Variants in C3 observed in about 807,000 individuals in gnomAD.
C3 encodes C3 and PZP-like alpha-2-macroglobulin domain-containing protein 1.
Under a neutral mutation model 207.9 loss-of-function variants are expected in C3, and 97 were observed. That is an observed-to-expected ratio of 0.47 (90% CI 0.40 to 0.55). The LOEUF is 0.55. Among genes scored for constraint, C3 ranks in the 20% least tolerant of loss-of-function variants. The pLI, the probability that C3 is intolerant of heterozygous loss-of-function variation, is 0.00. For missense variants in C3, 1,684 were observed against 2,171.7 expected, an observed-to-expected ratio of 0.78 and a Z score of 4.46; for synonymous variants, 848 against 857.6, an observed-to-expected ratio of 0.99 and a Z score of 0.20.
At chr19:6,695,016 A>G (rs1014568162) in intron 23 of C3, among the ~76,000 whole-genome samples, 3 of 152,128 alleles carry the variant, frequency 2.0e-5, no homozygotes, top group African/African-American at 7.2e-5. Flanking sequence ...GAAGCCTGTA[A>G]TCTCAGCACT....
At chr19:6,707,605 A>G (rs1967808410) in intron 15 of C3, 68 bp from the exon 16 acceptor site, 1 of 1,575,870 alleles carries the variant, frequency 6.3e-7, no homozygotes, top group African/African-American at 1.3e-5. Context: ...TTCACCCCTC[A>G]CGATCGTGTG....
intron 3 of C3, 31 bp downstream of exon 3, chr19:6,718,216 C>T (rs772640049): frequency 1.9e-6 from 3 of 1,613,960 alleles, no homozygotes; most frequent in Non-Finnish European, 2.5e-6. Flanking sequence ...CACGCCGGTG[C>T]CCCGCCCTCT....
chr19:6,691,055 C>CTTTTT (rs112828808), intron 26 of C3, among the ~76,000 whole-genome samples: 11,404 of 131,318 alleles, frequency 0.087, 593 homozygotes, highest in Non-Finnish European at 0.11. Flanking sequence ...GAGATATACA[C>CTTTTT]TTTTTTTTTT....
chr19:6,714,105 G>A (rs1967981652), intron 6 of C3, 23 bp from the exon 7 acceptor site: 1 of 1,610,830 alleles, frequency 6.2e-7, no homozygotes, highest in South Asian at 1.1e-5. Context: ...TGGCGTTGGT[G>A]GGGCCGGCGC....
intron 9 of C3, 83 bp downstream of exon 9, chr19:6,713,106 T>G (rs1415962749): frequency 6.5e-7 from 1 of 1,535,956 alleles, no homozygotes; most frequent in African/African-American, 1.4e-5. Flanking sequence ...CTCCTTAGAC[T>G]AGGCTTTCTC....
chr19:6,703,800 T>C (rs1045358320), intron 17 of C3, among the ~76,000 whole-genome samples: 1 of 151,440 alleles, frequency 6.6e-6, no homozygotes, highest in Non-Finnish European at 1.5e-5. Context: ...ATACAAAAAT[T>C]AGCTGGGTGT....
intron 36 of C3, 46 bp from the exon 37 acceptor site, chr19:6,679,542 C>T (rs1190237343): frequency 2.2e-6 from 3 of 1,347,530 alleles, no homozygotes; most frequent in African/African-American, 2.9e-5. Flanking sequence ...GGGCCTCCCT[C>T]CAAAGACCAT....
At chr19:6,689,360 C>CCTCTCTCTCTCTCTCTCT (rs1218148901) in intron 27 of C3, among the ~76,000 whole-genome samples, 1 of 16,546 alleles carries the variant, frequency 6.0e-5, no homozygotes, top group African/African-American at 2.7e-4. Flanking sequence ...TCCCTCCCTC[C>CCTCTCTCTCTCTCTCTCT]CTCTCTCTCT....
rs772236798 is a variant in C3 at position 6,679,246 on chromosome 19, C to G, written c.4547-38G>C. ...GTGGAGACAGGGTCTAAGTCCCACTCCTTATCTGGGGCCTACTGCCCATGG... is the reference window on the plus strand; with the variant it reads ...GTGGAGACAGGGTCTAAGTCCCACTGCTTATCTGGGGCCTACTGCCCATGG... On this transcript the variant is annotated intron_variant, in intron 37 of 40. Coordinates refer to ENST00000245907, the MANE Select transcript of C3 (RefSeq NM_000064.4). 5 of 1,577,116 alleles carry G rather than the reference C, an allele frequency of 3.2e-6. No homozygotes were observed. The African/African-American group carries it at 5.4e-5, about 17-fold the overall frequency.
rs1490765170 is a variant in C3, at chr19:6,678,409, G to A, written c.4677C>T (p.Asp1559=). 1.2e-6 allele frequency: 2 copies of A among 1,614,018 alleles called. No homozygotes were observed. The highest frequency in any genetic ancestry group is 2.2e-5 in the East Asian group (1 of 44,896). The change falls in exon 39 of 41, where the codon GAC becomes GAT. Residue 1559 remains aspartate, a synonymous_variant. Transcript: ENST00000245907. ...LVKVQLSNDF[D]EYIMAIEQTI... ...TCTGCTCAATGGCCATGATGTACTC[G>A]TCAAAGTCATTGGACAGCTGAACCT...
intron 27 of C3, among the ~76,000 whole-genome samples, chr19:6,688,796 ACTT>A (rs956043807): frequency 5.9e-5 from 9 of 152,144 alleles, no homozygotes; most frequent in African/African-American, 1.7e-4. Context: ...TTTTGTAAGA[ACTT>A]CTTCTCCCTT....
intron 27 of C3, among the ~76,000 whole-genome samples, chr19:6,689,401 C>G (rs1336850622): frequency 1.4e-5 from 2 of 140,352 alleles, no homozygotes; most frequent in African/African-American, 2.7e-5. Flanking sequence ...CTTGGTCCCT[C>G]TTGGGTGTTA....
intron 19 of C3, among the ~76,000 whole-genome samples, chr19:6,698,141 C>T (rs1189502996): frequency 6.6e-6 from 1 of 151,940 alleles, no homozygotes; most frequent in Non-Finnish European, 1.5e-5. Context: ...CTCAGCCTCT[C>T]GAGTAGCTGG....
intron 30 of C3, 58 bp from the exon 31 acceptor site, chr19:6,684,892 G>A (rs1917961287): frequency 1.2e-6 from 2 of 1,605,414 alleles, no homozygotes; most frequent in Admixed American, 1.7e-5. Context: ...TGCTGCCTGT[G>A]ATGGTCACCT....
intron 11 of C3, 114 bp downstream of exon 11, chr19:6,712,143 T>G (rs2145429479): frequency 7.3e-7 from 1 of 1,365,098 alleles, no homozygotes; most frequent in Non-Finnish European, 1.0e-6. Flanking sequence ...GGAGAGAACC[T>G]CTCTATGCAG....
rs575619973 is a variant in C3, at chr19:6,720,216, A to G, written c.74+300T>C. On this transcript the variant is annotated intron_variant, in intron 1 of 40. Transcript: ENST00000245907. The stretch of plus-strand genomic sequence containing the variant: ...CCAAACTCTCAGGCAGCCCAAATGT[A>G]TATAAACTCCAATTCCACGATACCT... 2.0e-5 allele frequency among the ~76,000 whole-genome samples: 3 copies of G among 152,076 alleles called. No individual in the cohort carries two copies. The East Asian group carries it at 5.8e-4, about 29-fold the overall frequency.
In C3 at chr19:6,719,114, TAGAA is replaced by T; in HGVS notation, c.267+93_267+96del. On this transcript the variant is annotated intron_variant, in intron 2 of 40. Coordinates refer to ENST00000245907, the MANE Select transcript of C3 (RefSeq NM_000064.4). The surrounding 1 kb of genome is among the most constrained non-coding windows in gnomAD (Gnocchi z 5.4). The stretch of plus-strand genomic sequence containing the variant: ...TGGAGTCTCAGGGAAGGGCAGGGCT[TAGAA>T]AGGGAGAAGACAGAAGGGGAGGGGC... The T allele has an allele frequency of 9.3e-7, 1 of 1,073,578 alleles. No homozygotes were observed. Among genetic ancestry groups the T allele is most frequent in the Non-Finnish European group, 1.4e-6 (1 of 712,886 alleles). 66.5% of individuals were successfully genotyped at this position (1,073,578 alleles called of 1,614,324 possible).
Position 6,677,842 on chromosome 19 carries a change from T to C in C3, c.*40A>G, listed in dbSNP as rs1453414586. ...CAAAGAACTCCAGACACGTGAGATA[T>C]AACTGAAGCTTTATCTGGAGTGGGG... On this transcript the variant is annotated 3_prime_UTR_variant, in exon 41 of 41. Transcript: ENST00000245907. 2.5e-6 allele frequency: 4 copies of C among 1,612,186 alleles called. No homozygotes were observed. The highest frequency in any genetic ancestry group is 3.4e-6 in the Non-Finnish European group (4 of 1,179,292).
rs763003621 is a variant in C3, at chr19:6,707,278, G to A, written c.2048-5C>T. ...GCTCCTTGGGGTACTTGCCGACTGCGGGAGCACGTGTTCCCCCAGGCCACA... is the reference window on the plus strand; with the variant it reads ...GCTCCTTGGGGTACTTGCCGACTGCAGGAGCACGTGTTCCCCCAGGCCACA... On this transcript the variant is annotated splice_region_variant and splice_polypyrimidine_tract_variant and intron_variant, in intron 16 of 40. Coordinates refer to ENST00000245907, the MANE Select transcript of C3 (RefSeq NM_000064.4). The A allele has an allele frequency of 5.6e-6, 9 of 1,604,914 alleles. No homozygotes were observed. Among genetic ancestry groups the A allele is most frequent in the African/African-American group, 5.4e-5 (4 of 73,416 alleles).
Sources: allele counts gnomAD v4.1 joint callset (sites outside exome capture counted in the v4.1 genomes callset), GRCh38; gene constraint gnomAD v4.1.1; non-coding constraint Gnocchi (gnomAD v3.1); transcripts MANE v1.5; gene names NCBI Gene and HGNC (gene_info 2026-07-23, HGNC 2026-07-21).